Variants in GBE1 observed in about 807,000 individuals in gnomAD.
GBE1 encodes the protein 1,4-alpha-glucan-branching enzyme.
Under a neutral mutation model 88.8 loss-of-function variants are expected in GBE1, and 70 were observed. The ratio of observed to expected loss-of-function variants is 0.79; its 90% CI spans 0.65 to 0.96. The LOEUF is 0.96. Among genes scored for constraint, GBE1 ranks in the 40% least tolerant of loss-of-function variants. The probability of loss-of-function intolerance (pLI) is 0.00; values close to 1 mark genes in which losing one functional copy is unlikely to be tolerated. For missense variants in GBE1, 872 were observed against 871.0 expected (o/e 1.00, Z -0.01); for synonymous variants, 284 against 300.1 (o/e 0.95, Z 0.56).
At chr3:81,500,889 A>G (rs1576121773) in intron 14 of GBE1, among the ~76,000 whole-genome samples, 1 of 152,180 alleles carries the variant, frequency 6.6e-6, no homozygotes, top group East Asian at 1.9e-4. Context: ...CACACTTGTA[A>G]GTGAGAACAT....
intron 2 of GBE1, among the ~76,000 whole-genome samples, chr3:81,674,972 A>C (rs956726395): frequency 1.3e-5 from 2 of 151,980 alleles, no homozygotes; most frequent in Non-Finnish European, 2.9e-5. Context: ...TTCTCAAACT[A>C]TAGTTTACAT....
chr3:81,629,252 C>A (rs1313498543), intron 7 of GBE1, among the ~76,000 whole-genome samples: 2 of 133,852 alleles, frequency 1.5e-5, no homozygotes, highest in Non-Finnish European at 3.1e-5. Flanking sequence ...TTGTTCAATT[C>A]CCACCTATGA....
At chr3:81,681,296 A>AG (rs372221213) in intron 2 of GBE1, among the ~76,000 whole-genome samples, 12 of 152,252 alleles carry the variant, frequency 7.9e-5, no homozygotes, top group African/African-American at 2.9e-4. Context: ...GGGGGCCAGT[A>AG]GGGGGGCTCT....
chr3:81,746,553 A>T (rs1706422715), intron 1 of GBE1, among the ~76,000 whole-genome samples: 1 of 152,144 alleles, frequency 6.6e-6, no homozygotes, highest in African/African-American at 2.4e-5. Context: ...TAGCTACCAC[A>T]TCTGGCCAAG....
At chr3:81,710,543 C>T (rs1172236786) in intron 1 of GBE1, among the ~76,000 whole-genome samples, 2 of 151,912 alleles carry the variant, frequency 1.3e-5, no homozygotes, top group Non-Finnish European at 2.9e-5. Context: ...AACTCTGTTA[C>T]ACACCAAATG....
chr3:81,649,413 A>T (rs1042999222), intron 4 of GBE1, among the ~76,000 whole-genome samples: 4 of 152,080 alleles, frequency 2.6e-5, no homozygotes, highest in Non-Finnish European at 5.9e-5. Flanking sequence ...CATTCATGAG[A>T]TGGTCTTCCC....
chr3:81,508,937 G>A (rs564085794), intron 14 of GBE1, among the ~76,000 whole-genome samples: 1 of 152,172 alleles, frequency 6.6e-6, no homozygotes, highest in South Asian at 2.1e-4. Context: ...CACATCAGAG[G>A]GTGGGTGTAG....
At chr3:81,566,049 G>A (rs1258169972) in intron 12 of GBE1, among the ~76,000 whole-genome samples, 2 of 152,166 alleles carry the variant, frequency 1.3e-5, no homozygotes, top group Non-Finnish European at 2.9e-5. Flanking sequence ...TTTGTTACGG[G>A]AAATCCAAGT....
At chr3:81,544,633 A>G (rs1037571546) in intron 12 of GBE1, among the ~76,000 whole-genome samples, 7 of 152,146 alleles carry the variant, frequency 4.6e-5, no homozygotes, top group Admixed American at 4.6e-4. Flanking sequence ...TAATGATTCT[A>G]AAAAAGTCTA....
chr3:81,761,296 A>T (rs977784728), intron 1 of GBE1, 79 bp downstream of exon 1: 2 of 1,503,942 alleles, frequency 1.3e-6, no homozygotes, highest in Non-Finnish European at 1.8e-6. Flanking sequence ...GCGAGGGCCG[A>T]GGGGCGGCCC....
At chr3:81,710,021 T>C (rs1705836304) in intron 1 of GBE1, among the ~76,000 whole-genome samples, 1 of 152,166 alleles carries the variant, frequency 6.6e-6, no homozygotes, top group East Asian at 1.9e-4. Flanking sequence ...ATGTGACGTC[T>C]ATATCAATGT....
chr3:81,539,042 C>A (rs1293298103), intron 12 of GBE1, among the ~76,000 whole-genome samples: 1 of 152,018 alleles, frequency 6.6e-6, no homozygotes, highest in African/African-American at 2.4e-5. Flanking sequence ...GTAGGCATTG[C>A]ACATGAATTA....
chr3:81,655,513 A>ATTGTTGTTG (rs60326449), intron 3 of GBE1, among the ~76,000 whole-genome samples: 11 of 151,550 alleles, frequency 7.3e-5, no homozygotes, highest in Non-Finnish European at 2.9e-5. Flanking sequence ...TGTTTTTGTT[A>ATTGTTGTTG]TTGTTGTTGT....
chr3:81,753,191 A>T (rs1370565829), intron 1 of GBE1, among the ~76,000 whole-genome samples: 1 of 152,200 alleles, frequency 6.6e-6, no homozygotes, highest in Non-Finnish European at 1.5e-5. Context: ...TTTAACATAG[A>T]GTCTTACCTT....
chr3:81,517,717 C>T (rs1702817470), intron 14 of GBE1, among the ~76,000 whole-genome samples: 1 of 150,610 alleles, frequency 6.6e-6, no homozygotes, highest in African/African-American at 2.5e-5. Flanking sequence ...TTGATAATAG[C>T]TTATCAATTT....
chr3:81,756,501 A>G (rs532280894), intron 1 of GBE1, among the ~76,000 whole-genome samples: 183 of 152,348 alleles, frequency 1.2e-3, no homozygotes, highest in Non-Finnish European at 2.2e-3. Flanking sequence ...ACAACAGTGA[A>G]TAAATAATAT....
intron 3 of GBE1, among the ~76,000 whole-genome samples, chr3:81,668,883 C>T (rs1163472821): frequency 6.6e-6 from 1 of 152,154 alleles, no homozygotes; most frequent in Non-Finnish European, 1.5e-5. Flanking sequence ...GGACTGTGTC[C>T]TAGCTCTTAG....
chr3:81,642,445 T>C (rs9823805), intron 7 of GBE1: 14,578 of 188,554 alleles, frequency 0.077, 1,238 homozygotes, highest in African/African-American at 0.22. Flanking sequence ...ACAATGTATT[T>C]CTCTAGTAAA....
chr3:81,517,715 AGCTT>A lies in GBE1; in HGVS notation c.1934+17476_1934+17479del, dbSNP rs139453528. Among the ~76,000 whole-genome samples, 359 of 151,610 alleles carry A rather than the reference AGCTT, an allele frequency of 2.4e-3. 2 individuals carry two copies. The highest frequency in any genetic ancestry group is 8.3e-3 in the African/African-American group (343 of 41,472). ...AATTATGATGTATTTTATTGATAATAGCTTATCAATTTTTATACCATTTAATTAA... is the reference window on the plus strand; with the variant it reads ...AATTATGATGTATTTTATTGATAATAATCAATTTTTATACCATTTAATTAA... On this transcript the variant is annotated intron_variant, in intron 14 of 15. Coordinates refer to ENST00000429644, the MANE Select transcript of GBE1 (RefSeq NM_000158.4).
Sources: gnomAD v4.1 joint callset for allele counts (sites outside exome capture counted in the v4.1 genomes callset) on GRCh38, gnomAD v4.1.1 for gene constraint, MANE v1.5 for transcripts, NCBI Gene and HGNC (gene_info 2026-07-23, HGNC 2026-07-21) for gene names.